KLHL10: variants seen among roughly 807,000 people sequenced by gnomAD.
The protein encoded by KLHL10 is kelch like family member 10, also known as kelch-like protein 10.
A neutral mutation model predicts 46.6 loss-of-function variants in KLHL10; 11 were observed. The observed-to-expected ratio is 0.24, with a 90% CI of 0.15 to 0.39. KLHL10 has a LOEUF of 0.39. KLHL10 is among the 10% of genes least tolerant of loss of function. The pLI, the probability that KLHL10 is intolerant of heterozygous loss-of-function variation, is 1.00. For missense variants in KLHL10, 475 were observed against 789.8 expected, an observed-to-expected ratio of 0.60 and a Z score of 4.78; for synonymous variants, 254 against 279.1, an observed-to-expected ratio of 0.91 and a Z score of 0.90.
rs2048299095 is a variant in KLHL10 at position 41,847,268 on chromosome 17, T to C, written c.1310T>C (p.Ile437Thr). 1.2e-6 allele frequency: 2 copies of C among 1,613,998 alleles called. No individual in the cohort carries two copies. Among genetic ancestry groups the C allele is most frequent in the Non-Finnish European group, 1.7e-6 (2 of 1,179,930 alleles). The change falls in exon 4 of 5, where the codon ATA becomes ACA. Residue 437 changes from isoleucine to threonine, a missense_variant. Coordinates refer to ENST00000293303, the MANE Select transcript of KLHL10 (RefSeq NM_152467.5). ...TTGGAACTCTTCACACAGGTCTACA[T>C]ATGTGGTGGGTTTAATGGAAACGAG... ...SATTLYGKVY[I>T]CGGFNGNECL...
At chr17:41,841,665 A>G in intron 1 of KLHL10, 158 bp from the exon 2 acceptor site, 1 of 786,614 alleles carries the variant, frequency 1.3e-6, no homozygotes, top group Non-Finnish European at 2.1e-6. Flanking sequence ...TCCATCCACA[A>G]GGTAAGAGTG....
chr17:41,846,845 T>G (rs1555621481), intron 3 of KLHL10, among the ~76,000 whole-genome samples: 1 of 152,074 alleles, frequency 6.6e-6, no homozygotes, highest in Non-Finnish European at 1.5e-5. Flanking sequence ...CTGGGCACAG[T>G]GTATCATGCC....
intron 1 of KLHL10, 127 bp from the exon 2 acceptor site, chr17:41,841,695 GA>G (rs1275817446): frequency 1.9e-6 from 2 of 1,060,362 alleles, no homozygotes; most frequent in Non-Finnish European, 2.9e-6. Flanking sequence ...AGAGTTCTTG[GA>G]AAGGTGTTCT....
chr17:41,836,148 C>T (rs2048154464), upstream of KLHL10: 1 of 1,312,432 alleles, frequency 7.6e-7, no homozygotes, highest in Non-Finnish European at 9.7e-7. Flanking sequence ...GGAGTCCGGG[C>T]CCGCCCCACT....
chr17:41,847,796 C>T, intron 4 of KLHL10, 137 bp from the exon 5 acceptor site: 1 of 1,195,008 alleles, frequency 8.4e-7, no homozygotes, highest in Non-Finnish European at 1.2e-6. Context: ...TGAGCCACTG[C>T]ACCCGGCTGA....
chr17:41,837,859 C>T lies in KLHL10; in HGVS notation c.-74C>T. On this transcript the variant is annotated 5_prime_UTR_variant, in exon 1 of 5. Coordinates refer to ENST00000293303, the MANE Select transcript of KLHL10 (RefSeq NM_152467.5). The stretch of plus-strand genomic sequence containing the variant: ...ATGTAGTAGGGAAAAGGAGCGACAG[C>T]TGGCTAAAGGGGCCCCCCACAACCC... The T allele has an allele frequency of 1.2e-6, 2 of 1,604,456 alleles. No individual in the cohort carries two copies. The highest frequency in any genetic ancestry group is 1.7e-6 in the Non-Finnish European group (2 of 1,178,278).
chr17:41,835,772 C>T (rs2048141135), upstream of KLHL10: 4 of 1,303,568 alleles, frequency 3.1e-6, no homozygotes, highest in African/African-American at 4.4e-5. Flanking sequence ...GAGGGGTCCG[C>T]GGCAGAGCAA....
At chr17:41,840,073 C>T (rs1261506700) in intron 1 of KLHL10, among the ~76,000 whole-genome samples, 5 of 152,120 alleles carry the variant, frequency 3.3e-5, no homozygotes, top group South Asian at 2.1e-4. Flanking sequence ...TCAGGTGATC[C>T]GCCTGCCTCA....
At position 41,841,821 on chromosome 17, in the gene KLHL10, A is replaced by G; in HGVS notation, c.195-2A>G. 1 of 1,613,954 alleles carries G rather than the reference A, an allele frequency of 6.2e-7. No homozygotes were observed. The highest frequency in any genetic ancestry group is 8.5e-7 in the Non-Finnish European group (1 of 1,179,870). On this transcript the variant is annotated splice_acceptor_variant, in intron 1 of 4. Transcript: ENST00000293303. LOFTEE classifies it high-confidence loss of function. ...GGCTGCTAGTTTCTTTCTTTTTTCC[A>G]GAGCTTTGTTTACAAGTGGCTGGAA...
chr17:41,839,434 CT>C (rs1439409428), intron 1 of KLHL10, among the ~76,000 whole-genome samples: 8 of 152,166 alleles, frequency 5.3e-5, no homozygotes, highest in East Asian at 1.9e-4. Context: ...AGGGACCCCC[CT>C]GTACCCCTAT....
At chr17:41,839,500 G>A (rs782699008) in intron 1 of KLHL10, among the ~76,000 whole-genome samples, 1 of 152,166 alleles carries the variant, frequency 6.6e-6, no homozygotes, top group Non-Finnish European at 1.5e-5. Flanking sequence ...TAAGGGGATG[G>A]GAAGGGAGAT....
At chr17:41,841,794 G>A (rs781862065) in intron 1 of KLHL10, 29 bp from the exon 2 acceptor site, 108 of 1,613,844 alleles carry the variant, frequency 6.7e-5, no homozygotes, top group Non-Finnish European at 8.2e-5. Context: ...AAATGTTTCC[G>A]TGGCTGCTAG....
upstream of KLHL10, among the ~76,000 whole-genome samples, chr17:41,836,767 A>G (rs912801869): frequency 2.0e-5 from 3 of 152,000 alleles, no homozygotes; most frequent in Non-Finnish European, 4.4e-5. Context: ...TCCAGGCTCC[A>G]GTAGGCCGAG....
At chr17:41,839,890 T>TA (rs2048209212) in intron 1 of KLHL10, among the ~76,000 whole-genome samples, 2 of 151,086 alleles carry the variant, frequency 1.3e-5, no homozygotes, top group South Asian at 4.2e-4. Flanking sequence ...TTTTTCTTTT[T>TA]TTTTTTGAAA....
chr17:41,837,790 C>T, upstream of KLHL10: 1 of 1,496,542 alleles, frequency 6.7e-7, no homozygotes, highest in East Asian at 2.4e-5. Flanking sequence ...ACTGCAGGGC[C>T]AGGATTCTGG....
At chr17:41,842,563 G>T (rs1555620867) in intron 2 of KLHL10, among the ~76,000 whole-genome samples, 1 of 152,130 alleles carries the variant, frequency 6.6e-6, no homozygotes, top group Non-Finnish European at 1.5e-5. Context: ...GTGGGGTGTG[G>T]TGGCTCACTT....
At chr17:41,838,268 A>ATT in intron 1 of KLHL10, 142 bp downstream of exon 1, 6 of 676,904 alleles carry the variant, frequency 8.9e-6, no homozygotes, top group South Asian at 1.9e-5. Flanking sequence ...TTAAAAAAAA[A>ATT]TTTTTTTTTT....
chr17:41,845,276 T>C lies in KLHL10; in HGVS notation c.835T>C (p.Phe279Leu), dbSNP rs1555621194. ...LNMNGPSNSD[F>L]TNPLTRPRLP... The stretch of plus-strand genomic sequence containing the variant: ...CATGAATGGACCCTCTAATTCTGAT[T>C]TCACCAACCCACTCACCAGACCACG... Residue 279 changes from phenylalanine (F) to leucine (L), a missense_variant, in exon 3 of 5, where the codon TTC (phenylalanine) becomes CTC (leucine). Phe to Leu is a conservative substitution (Grantham distance 22). Coordinates refer to ENST00000293303, the MANE Select transcript of KLHL10 (RefSeq NM_152467.5). The C allele has an allele frequency of 2.5e-6, 4 of 1,614,100 alleles. No individual in the cohort carries two copies. Among genetic ancestry groups the C allele is most frequent in the East Asian group, 2.2e-5 (1 of 44,902 alleles).
Position 41,837,833 on chromosome 17 carries a change from G to A in KLHL10, c.-100G>A. The A allele has an allele frequency of 6.3e-7, 1 of 1,587,312 alleles. No individual in the cohort carries two copies. Among genetic ancestry groups the A allele is most frequent in the South Asian group, 1.1e-5 (1 of 88,752 alleles). On this transcript the variant is annotated 5_prime_UTR_variant, in exon 1 of 5. Coordinates refer to ENST00000293303, the MANE Select transcript of KLHL10 (RefSeq NM_152467.5). Reference sequence around the variant, plus strand: ...GTTGCCTGATAGACCCTATACAAAAGATGTAGTAGGGAAAAGGAGCGACAG... The same window carrying A: ...GTTGCCTGATAGACCCTATACAAAAAATGTAGTAGGGAAAAGGAGCGACAG...
Sources: allele counts gnomAD v4.1 joint callset (sites outside exome capture counted in the v4.1 genomes callset), GRCh38; gene constraint gnomAD v4.1.1; transcripts MANE v1.5; gene names NCBI Gene and HGNC (gene_info 2026-07-23, HGNC 2026-07-21).